The following HCRTR2 variants were observed in gnomAD, a reference collection of about 807,000 sequenced individuals.
The protein encoded by HCRTR2 is orexin receptor type 2.
In HCRTR2, 22 loss-of-function variants were observed where a neutral mutation model predicts 49.0. The ratio of observed to expected loss-of-function variants is 0.45; its 90% CI spans 0.32 to 0.64. The LOEUF is 0.64. HCRTR2 is among the 30% of genes least tolerant of loss of function. The pLI is 0.04. For synonymous variants in HCRTR2, 236 were observed against 205.3 expected, an observed-to-expected ratio of 1.15 and a Z score of -1.28; for missense variants, 491 against 559.4, an observed-to-expected ratio of 0.88 and a Z score of 1.23.
chr6:55,121,874 T>A (rs920850334), intron 1 of HCRTR2, among the ~76,000 whole-genome samples: 1 of 152,200 alleles, frequency 6.6e-6, no homozygotes, highest in Non-Finnish European at 1.5e-5. Context: ...AGTATTTTAT[T>A]GAGGATTTTT....
chr6:55,238,915 G>A (rs376434981), intron 1 of HCRTR2, among the ~76,000 whole-genome samples: 1 of 152,192 alleles, frequency 6.6e-6, no homozygotes, highest in South Asian at 2.1e-4. Flanking sequence ...ATGTCTTGGG[G>A]AGGATCGGAT....
intron 1 of HCRTR2, among the ~76,000 whole-genome samples, chr6:55,187,991 C>T (rs1374797441): frequency 6.6e-6 from 1 of 151,828 alleles, no homozygotes; most frequent in Non-Finnish European, 1.5e-5. Flanking sequence ...ACCATGTTAG[C>T]CAGGATGGTC....
intron 1 of HCRTR2, among the ~76,000 whole-genome samples, chr6:55,224,772 A>T (rs947623237): frequency 6.6e-6 from 1 of 152,230 alleles, no homozygotes; most frequent in African/African-American, 2.4e-5. Context: ...ACAAATACTT[A>T]ATGATCTCGC....
rs565253602 is a variant in HCRTR2, at chr6:55,151,452, A to G, written c.-377-22759A>G. ...GAAACCACTTTATTTGTTTATCAAG[A>G]GAAGCAGATCATCTTGTAAAGATTT... On this transcript the variant is annotated intron_variant, in intron 1 of 7. Coordinates refer to the HCRTR2 transcript ENST00000615358. 3.3e-5 allele frequency among the ~76,000 whole-genome samples: 5 copies of G among 152,122 alleles called. No individual in the cohort carries two copies. In the South Asian group the frequency reaches 1.0e-3, roughly 31 times the overall value.
chr6:55,186,548 C>G (rs1451596999), intron 1 of HCRTR2, among the ~76,000 whole-genome samples: 1 of 152,116 alleles, frequency 6.6e-6, no homozygotes, highest in Non-Finnish European at 1.5e-5. Flanking sequence ...AATTTGGTAG[C>G]TTTTTGTTCT....
chr6:55,257,159 G>A (rs1581861062), intron 3 of HCRTR2, among the ~76,000 whole-genome samples: 1 of 152,182 alleles, frequency 6.6e-6, no homozygotes, highest in Non-Finnish European at 1.5e-5. Flanking sequence ...GGGGCAGATA[G>A]TGTAAATAAT....
At chr6:55,111,795 A>T (rs1275222495) in intron 1 of HCRTR2, among the ~76,000 whole-genome samples, 1 of 152,118 alleles carries the variant, frequency 6.6e-6, no homozygotes, top group Non-Finnish European at 1.5e-5. Flanking sequence ...TCATTCTATG[A>T]AGCCAGCATC....
At chr6:55,203,382 C>CT (rs1294427238) in intron 1 of HCRTR2, among the ~76,000 whole-genome samples, 4 of 152,024 alleles carry the variant, frequency 2.6e-5, no homozygotes, top group African/African-American at 4.8e-5. Flanking sequence ...TGCTTTCTAT[C>CT]TTTTTTATAC....
intron 1 of HCRTR2, among the ~76,000 whole-genome samples, chr6:55,210,736 C>T (rs542735758): frequency 1.6e-4 from 25 of 152,216 alleles, no homozygotes; most frequent in African/African-American, 3.4e-4. Flanking sequence ...TGCATCCTTA[C>T]GACAAATTTC....
At chr6:55,167,709 C>A (rs546661474) in intron 1 of HCRTR2, among the ~76,000 whole-genome samples, 1 of 152,220 alleles carries the variant, frequency 6.6e-6, no homozygotes, top group South Asian at 2.1e-4. Context: ...GAGCACCCGA[C>A]GATAATGGAT....
intron 1 of HCRTR2, among the ~76,000 whole-genome samples, chr6:55,150,891 TACAATAAAGTGAATATC>T (rs746586383): frequency 1.3e-5 from 2 of 152,050 alleles, no homozygotes; most frequent in African/African-American, 2.4e-5. Flanking sequence ...TCTAGACAAC[TACAATAAAGTGAATATC>T]ACAATAAAGT....
intron 1 of HCRTR2, among the ~76,000 whole-genome samples, chr6:55,152,700 C>T (rs1451486859): frequency 6.6e-6 from 1 of 151,844 alleles, no homozygotes; most frequent in Non-Finnish European, 1.5e-5. Flanking sequence ...CTCTGAAGTC[C>T]CTTCGAAAAG....
intron 1 of HCRTR2, among the ~76,000 whole-genome samples, chr6:55,201,458 C>T (rs975140115): frequency 6.6e-6 from 1 of 152,068 alleles, no homozygotes; most frequent in East Asian, 1.9e-4. Context: ...ACTTCAAAAA[C>T]ACATTTTTGT....
At chr6:55,188,027 C>A (rs1446274629) in intron 1 of HCRTR2, among the ~76,000 whole-genome samples, 1 of 152,160 alleles carries the variant, frequency 6.6e-6, no homozygotes, top group Admixed American at 6.5e-5. Context: ...CGTGATCCAC[C>A]CGCCTCAGCC....
intron 1 of HCRTR2, among the ~76,000 whole-genome samples, chr6:55,163,590 G>A (rs935593780): frequency 1.3e-5 from 2 of 152,056 alleles, no homozygotes; most frequent in African/African-American, 2.4e-5. Flanking sequence ...AAACTGAAAC[G>A]GGACTCCTCC....
intron 1 of HCRTR2, among the ~76,000 whole-genome samples, chr6:55,164,977 A>T (rs1005476746): frequency 4.6e-5 from 7 of 152,148 alleles, no homozygotes; most frequent in Non-Finnish European, 7.4e-5. Flanking sequence ...AGATGAAATA[A>T]TTTTTTTAAA....
intron 2 of HCRTR2, among the ~76,000 whole-genome samples, chr6:55,250,138 A>G (rs1766520940): frequency 6.6e-6 from 1 of 152,128 alleles, no homozygotes; most frequent in Admixed American, 6.6e-5. Context: ...AATACTATAG[A>G]AGTTATAAGC....
chr6:55,139,691 T>G (rs1764480602), intron 1 of HCRTR2, among the ~76,000 whole-genome samples: 1 of 152,150 alleles, frequency 6.6e-6, no homozygotes, highest in Non-Finnish European at 1.5e-5. Flanking sequence ...GCATGATGCT[T>G]TATAAATGTT....
At chr6:55,231,337 G>T (rs1298355605) in intron 1 of HCRTR2, among the ~76,000 whole-genome samples, 5 of 152,112 alleles carry the variant, frequency 3.3e-5, no homozygotes, top group African/African-American at 1.2e-4. Context: ...TGTGAAGGGA[G>T]ACTAATACTC....
Sources: allele counts gnomAD v4.1 joint callset (sites outside exome capture counted in the v4.1 genomes callset), GRCh38; gene constraint gnomAD v4.1.1; transcripts MANE v1.5; gene names NCBI Gene and HGNC (gene_info 2026-07-23, HGNC 2026-07-21).